Variants in TTC39B observed in about 807,000 individuals in gnomAD.
The protein encoded by TTC39B is tetratricopeptide repeat protein 39B.
TTC39B carries 92 observed loss-of-function variants against 96.6 expected under a neutral mutation model. That is an observed-to-expected ratio of 0.95 (90% CI 0.80 to 1.13). The LOEUF (loss-of-function observed/expected upper bound fraction) is 1.13, where lower values mean the gene tolerates loss of function less well. TTC39B is among the 50% of genes most tolerant of loss of function. TTC39B has a pLI of 0.00. For missense variants in TTC39B, 955 were observed against 809.3 expected, an observed-to-expected ratio of 1.18 and a Z score of -2.18; for synonymous variants, 367 against 299.4, an observed-to-expected ratio of 1.23 and a Z score of -2.33.
At chr9:15,170,327 C>T (rs567728458) in exon 20 of TTC39B, 2 of 152,286 alleles carry the variant, frequency 1.3e-5, no homozygotes, top group African/African-American at 2.4e-5. Flanking sequence ...GGGTAGCCTA[C>T]TGTCAACATC....
At chr9:15,268,654 G>A (rs1189616527) in intron 1 of TTC39B, among the ~76,000 whole-genome samples, 1 of 151,972 alleles carries the variant, frequency 6.6e-6, no homozygotes, top group African/African-American at 2.4e-5. Context: ...TCCTCATCCA[G>A]GTATCCGGGG....
intron 17 of TTC39B, 34 bp downstream of exon 17, chr9:15,182,273 C>A: frequency 7.0e-7 from 1 of 1,418,914 alleles, no homozygotes; most frequent in Non-Finnish European, 9.8e-7. Context: ...GGAGCAGAGA[C>A]AAAGGCTCCT....
intron 2 of TTC39B, among the ~76,000 whole-genome samples, chr9:15,255,405 G>C (rs548767964): frequency 1.3e-5 from 2 of 152,070 alleles, no homozygotes; most frequent in Non-Finnish European, 2.9e-5. Flanking sequence ...GGGGGAAAGA[G>C]GGAAGAAGGA....
intron 2 of TTC39B, among the ~76,000 whole-genome samples, chr9:15,252,476 A>G (rs199807597): frequency 6.6e-6 from 1 of 152,126 alleles, no homozygotes; most frequent in African/African-American, 2.4e-5. Context: ...GTGAAACCCC[A>G]TCTCTACTAA....
At chr9:15,250,240 T>C (rs895826695) in intron 2 of TTC39B, 10 of 1,082,600 alleles carry the variant, frequency 9.2e-6, no homozygotes, top group Non-Finnish European at 1.1e-5. Context: ...TGCCGGGAGA[T>C]TTTTTTTCCC....
chr9:15,250,879 G>A (rs569408188), intron 2 of TTC39B, among the ~76,000 whole-genome samples: 1 of 152,238 alleles, frequency 6.6e-6, no homozygotes, highest in African/African-American at 2.4e-5. Context: ...TTTAGTATAG[G>A]ACTCACTAAT....
At chr9:15,219,613 C>T (rs1820728484) in intron 3 of TTC39B, among the ~76,000 whole-genome samples, 1 of 152,196 alleles carries the variant, frequency 6.6e-6, no homozygotes, top group Non-Finnish European at 1.5e-5. Context: ...ACATCCTTAT[C>T]TCCGACACCT....
chr9:15,215,375 T>C (rs988234252), intron 3 of TTC39B, among the ~76,000 whole-genome samples: 1 of 151,742 alleles, frequency 6.6e-6, no homozygotes, highest in Non-Finnish European at 1.5e-5. Flanking sequence ...CTGACCAACA[T>C]GGTGAAACCC....
At chr9:15,270,814 G>C (rs532676432) in intron 1 of TTC39B, among the ~76,000 whole-genome samples, 1 of 151,928 alleles carries the variant, frequency 6.6e-6, no homozygotes, top group African/African-American at 2.4e-5. Flanking sequence ...AGTAATCACG[G>C]GGCAGAGAGT....
chr9:15,261,644 C>T (rs950569146), intron 2 of TTC39B, among the ~76,000 whole-genome samples: 1 of 152,136 alleles, frequency 6.6e-6, no homozygotes, highest in Admixed American at 6.5e-5. Flanking sequence ...CAGAACTGTT[C>T]ACCCAGCATG....
At chr9:15,183,678 G>A (rs917237331) in intron 16 of TTC39B, among the ~76,000 whole-genome samples, 1 of 152,180 alleles carries the variant, frequency 6.6e-6, no homozygotes, top group Non-Finnish European at 1.5e-5. Context: ...CTGTGAGACA[G>A]AAAAACCTTC....
chr9:15,183,338 A>C (rs1446856179), intron 16 of TTC39B: 7 of 431,084 alleles, frequency 1.6e-5, no homozygotes, highest in South Asian at 5.1e-5. Context: ...TCAATAACAG[A>C]ATCTTTTTTA....
intron 8 of TTC39B, among the ~76,000 whole-genome samples, chr9:15,195,143 G>A (rs1320426137): frequency 6.6e-6 from 1 of 152,178 alleles, no homozygotes; most frequent in East Asian, 1.9e-4. Flanking sequence ...CTACTTCAGT[G>A]AATGCACAAA....
chr9:15,264,273 T>G (rs892551416), intron 2 of TTC39B, among the ~76,000 whole-genome samples: 10 of 152,130 alleles, frequency 6.6e-5, no homozygotes, highest in African/African-American at 2.4e-4. Context: ...ACATGAGGAT[T>G]ATAGTTAATA....
intron 8 of TTC39B, among the ~76,000 whole-genome samples, chr9:15,195,623 T>C (rs1318348798): frequency 7.3e-6 from 1 of 137,926 alleles, no homozygotes; most frequent in African/African-American, 2.8e-5. Context: ...TGAGCTGAGA[T>C]CGTGCCACTG....
At chr9:15,215,003 C>T (rs935849901) in intron 3 of TTC39B, among the ~76,000 whole-genome samples, 9 of 152,166 alleles carry the variant, frequency 5.9e-5, no homozygotes, top group Admixed American at 3.3e-4. Context: ...GGCTCATGCC[C>T]GGCACTTTAG....
At chr9:15,226,111 T>G in intron 2 of TTC39B, 99 bp from the exon 3 acceptor site, 2 of 904,340 alleles carry the variant, frequency 2.2e-6, no homozygotes, top group Non-Finnish European at 3.3e-6. Context: ...CCAATTATTT[T>G]TATACATCTT....
intron 18 of TTC39B, among the ~76,000 whole-genome samples, chr9:15,176,733 T>C (rs142767767): frequency 0.017 from 2,512 of 151,670 alleles, 74 homozygotes; most frequent in African/African-American, 0.058. Flanking sequence ...AGCTGAGGAG[T>C]GTGGCTACAC....
intron 2 of TTC39B, among the ~76,000 whole-genome samples, chr9:15,244,975 C>T (rs1442306660): frequency 2.0e-5 from 3 of 152,282 alleles, no homozygotes; most frequent in Middle Eastern, 3.4e-3. Flanking sequence ...AAGTCATTTT[C>T]TCAGGCTAGA....
Sources: gnomAD v4.1 joint callset for allele counts (sites outside exome capture counted in the v4.1 genomes callset) on GRCh38, gnomAD v4.1.1 for gene constraint, MANE v1.5 for transcripts, NCBI Gene and HGNC (gene_info 2026-07-23, HGNC 2026-07-21) for gene names.